FAT1: variants seen among roughly 807,000 people sequenced by gnomAD.
FAT1 encodes FAT atypical cadherin 1.
A neutral mutation model predicts 329.8 loss-of-function variants in FAT1; 171 were observed. The ratio of observed to expected loss-of-function variants is 0.52; its 90% confidence interval spans 0.46 to 0.59. The LOEUF (loss-of-function observed/expected upper bound fraction) is 0.59, where lower values mean the gene tolerates loss of function less well. Ranked by LOEUF, FAT1 falls within the 20% of genes least tolerant of loss-of-function variation. The pLI is 0.00. For synonymous variants in FAT1, 2,233 were observed against 2,228.6 expected (o/e 1.00, Z -0.06); for missense variants, 5,672 against 5,774.4 (o/e 0.98, Z 0.57).
rs199551880 is a variant in FAT1 at position 186,621,270 on chromosome 4, T to C, written c.5316A>G (p.Gly1772=). Residue 1772 remains glycine (G), a synonymous_variant, in exon 10 of 27, where the codon GGA becomes GGG. Transcript: ENST00000441802. ...TAATTGAGGCTGATTCACTAATGAGTCCTGTATATTCTGCCTGCATAAAAA... is the reference window on the plus strand; with the variant it reads ...TAATTGAGGCTGATTCACTAATGAGCCCTGTATATTCTGCCTGCATAAAAA... ...APVFMQAEYT[G]LISESASINS... is the part of the protein sequence containing the mutation. 54 of 1,614,052 alleles carry C rather than the reference T, an allele frequency of 3.3e-5. No homozygotes were observed. In the East Asian group the frequency reaches 1.2e-3, roughly 35 times the overall value.
chr4:186,613,321 G>C lies in FAT1; in HGVS notation c.9251C>G (p.Pro3084Arg), dbSNP rs1739551981. 5.0e-6 allele frequency: 8 copies of C among 1,613,800 alleles called. No homozygotes were observed. Among genetic ancestry groups the C allele is most frequent in the African/African-American group, 1.3e-5 (1 of 74,930 alleles). The change falls in exon 13 of 27, where the codon CCC (proline) becomes CGC (arginine). Residue 3084 changes from proline to arginine, a missense_variant. Pro to Arg is a moderately radical substitution (Grantham distance 103). Around this residue, in one of 2 missense-constraint regions of FAT1, gnomAD observed 3,966 missense variants for 3,915.2 expected, o/e 1.01. Coordinates refer to ENST00000441802, the MANE Select transcript of FAT1 (RefSeq NM_005245.4). ...PDTGELKTST[P>R]LDREEQAVYH... ...AACAGCTTGCTCCTCACGATCAAGG[G>C]GGGTTGACGTTTTCAGTTCACCTAC...
In FAT1 at chr4:186,707,319, C is replaced by T. The variant is rs1249206066; in HGVS notation, c.2509G>A (p.Val837Ile). Reference protein sequence around the residue: ...YFVEVSEDKEVHSEIIQVEAT... With the variant: ...YFVEVSEDKEIHSEIIQVEAT... ...TCAACCTGGATGATTTCACTATGTA[C>T]CTCCTTGTCTTCACTCACTTCCACA... is the stretch of plus-strand genomic sequence containing the variant. The change falls in exon 2 of 27, where the codon GTA (valine) becomes ATA (isoleucine). Residue 837 changes from valine (V) to isoleucine (I), a missense_variant. Physicochemically the swap from Val to Ile is conservative, Grantham distance 29. Around this residue, in one of 2 missense-constraint regions of FAT1, gnomAD observed 3,966 missense variants for 3,915.2 expected, o/e 1.01. Coordinates refer to ENST00000441802, the MANE Select transcript of FAT1 (RefSeq NM_005245.4). 6.2e-7 allele frequency: 1 copy of T among 1,613,944 alleles called. No homozygotes were observed. The highest frequency in any genetic ancestry group is 8.5e-7 in the Non-Finnish European group (1 of 1,179,880).
In FAT1 at chr4:186,588,731, G is replaced by A. The variant is rs2126348980; in HGVS notation, c.13628C>T (p.Thr4543Ile). 1 of 1,614,022 alleles carries A rather than the reference G, an allele frequency of 6.2e-7. No homozygotes were observed. ...ESMPMSVYAS[T>I]ASCSDVSACC... ...GGCTGACACGTCAGAGCAGGAGGCG[G>A]TGGAGGCGTACACAGACATGGGCAT... is the stretch of plus-strand genomic sequence containing the variant. The change falls in exon 27 of 27, where the codon ACC (threonine) becomes ATC (isoleucine). Residue 4543 changes from threonine to isoleucine, a missense_variant. Transcript: ENST00000441802.
chr4:186,597,420 G>T, intron 24 of FAT1: 1 of 579,890 alleles, frequency 1.7e-6, no homozygotes, highest in Non-Finnish European at 3.0e-6. Context: ...AATATTAATG[G>T]CCATTTTCCT....
chr4:186,680,774 C>T lies in FAT1; in HGVS notation c.3266-17161G>A, dbSNP rs1175045684. Among the ~76,000 whole-genome samples the T allele has an allele frequency of 2.6e-5, 4 of 152,202 alleles. No homozygotes were observed. The East Asian group carries it at 7.7e-4, about 29-fold the overall frequency. On this transcript the variant is annotated intron_variant, in intron 2 of 26. Coordinates refer to ENST00000441802, the MANE Select transcript of FAT1 (RefSeq NM_005245.4). The stretch of plus-strand genomic sequence containing the variant: ...CTAGGTTGCAGAGCTTGAATCAAAG[C>T]CATAACTGGAACCCAAATCTCTTGA...
rs753202486 is a variant in FAT1 at position 186,609,227 on chromosome 4, C to T, written c.10162G>A (p.Val3388Ile). ...NQGSSFTIDP[V>I]RGEVKVTKLL... The stretch of plus-strand genomic sequence containing the variant: ...TTGGTCACTTTGACTTCTCCCCTGA[C>T]GGGGTCAATTGTGAACGAGCTTCCT... The change falls in exon 16 of 27, where the codon GTC becomes ATC. Residue 3388 changes from valine to isoleucine, a missense_variant. Val to Ile is a conservative substitution (Grantham distance 29). This residue lies in a region of FAT1 where 1,706 missense variants were observed against 1,859.1 expected (regional missense o/e 0.92). Coordinates refer to ENST00000441802, the MANE Select transcript of FAT1 (RefSeq NM_005245.4). 36 of 1,613,886 alleles carry T rather than the reference C, an allele frequency of 2.2e-5. No homozygotes were observed. In the East Asian group the frequency reaches 2.4e-4, roughly 11 times the overall value.
intron 3 of FAT1, among the ~76,000 whole-genome samples, chr4:186,649,169 T>C (rs1366304688): frequency 6.6e-6 from 1 of 151,960 alleles, no homozygotes; most frequent in Non-Finnish European, 1.5e-5. Context: ...GTTCTTCAAC[T>C]GCTTATTAAG....
chr4:186,601,711 A>G (rs1029528187), intron 20 of FAT1: 4 of 249,708 alleles, frequency 1.6e-5, no homozygotes, highest in Non-Finnish European at 2.3e-5. Context: ...ATTAGAAGAA[A>G]ATTTCAGAAA....
rs552165136 is a variant in FAT1, at chr4:186,719,394, C to G, written c.-19+4270G>C. Among the ~76,000 whole-genome samples, 377 of 152,288 alleles carry G rather than the reference C, an allele frequency of 2.5e-3. 3 individuals carry two copies. Among genetic ancestry groups the G allele is most frequent in the Non-Finnish European group, 3.0e-3 (201 of 68,022 alleles). ...AAACAGTAAAAATATAAATAGTACCCCATTTTATATCAGGGACTTGAGCAT... is the reference window on the plus strand; with the variant it reads ...AAACAGTAAAAATATAAATAGTACCGCATTTTATATCAGGGACTTGAGCAT... On this transcript the variant is annotated intron_variant, in intron 1 of 26. Coordinates refer to ENST00000441802, the MANE Select transcript of FAT1 (RefSeq NM_005245.4).
chr4:186,697,418 T>C (rs1384951286), intron 2 of FAT1, among the ~76,000 whole-genome samples: 22 of 152,222 alleles, frequency 1.4e-4, no homozygotes, highest in Admixed American at 1.1e-3. Context: ...CCGATCCCCA[T>C]GCTCTCCGAG....
At chr4:186,661,680 G>C (rs189668804) in intron 3 of FAT1, among the ~76,000 whole-genome samples, 1 of 152,270 alleles carries the variant, frequency 6.6e-6, no homozygotes, top group East Asian at 1.9e-4. Context: ...GTAATAAACA[G>C]GTAAATGTTA....
chr4:186,621,589 T>C lies in FAT1; in HGVS notation c.4997A>G (p.Lys1666Arg). ...FVTIADNASP[K>R]FTSKEYSVEL... ...AACAGAATATTCTTTTGATGTAAACTTCGGAGAGGCGTTGTCAGCAATTGT... is the reference window on the plus strand; with the variant it reads ...AACAGAATATTCTTTTGATGTAAACCTCGGAGAGGCGTTGTCAGCAATTGT... The change falls in exon 10 of 27, where the codon AAG (lysine) becomes AGG (arginine). Residue 1666 changes from lysine (K) to arginine (R), a missense_variant. This residue lies in a region of FAT1 where 3,966 missense variants were observed against 3,915.2 expected (regional missense o/e 1.01). Transcript: ENST00000441802. 1 of 1,614,026 alleles carries C rather than the reference T, an allele frequency of 6.2e-7. No individual in the cohort carries two copies. The highest frequency in any genetic ancestry group is 8.5e-7 in the Non-Finnish European group (1 of 1,179,898).
At position 186,709,340 on chromosome 4, in the gene FAT1, G is replaced by C. The variant is rs1247264736; in HGVS notation, c.488C>G (p.Ala163Gly). 4 of 1,613,932 alleles carry C rather than the reference G, an allele frequency of 2.5e-6. No individual in the cohort carries two copies. The African/African-American group carries it at 5.3e-5, about 22-fold the overall frequency. ...GACTCTTGCGATACTGGTCCTTATA[G>C]CTGTGTTTTCAGGTAAAGAAACGCT... ...SYSVSLPENT[A>G]IRTSIARVSA... Residue 163 changes from alanine (A) to glycine (G), a missense_variant, in exon 2 of 27, where the codon GCT (alanine) becomes GGT (glycine). Transcript: ENST00000441802.
intron 1 of FAT1, among the ~76,000 whole-genome samples, chr4:186,713,143 T>G (rs1745044283): frequency 6.6e-6 from 1 of 151,698 alleles, no homozygotes; most frequent in Admixed American, 6.6e-5. Context: ...CATACTTCAC[T>G]CAAATTTGCT....
At chr4:186,686,240 C>CT (rs939070815) in intron 2 of FAT1, among the ~76,000 whole-genome samples, 5 of 143,316 alleles carry the variant, frequency 3.5e-5, no homozygotes, top group African/African-American at 7.6e-5. Context: ...GAATTTTCAC[C>CT]CCCCCCCGAC....
At chr4:186,625,994 G>C (rs1453943846) in intron 9 of FAT1, among the ~76,000 whole-genome samples, 10 of 145,496 alleles carry the variant, frequency 6.9e-5, no homozygotes, top group African/African-American at 1.5e-4. Flanking sequence ...GGCACATAAA[G>C]TGAGCTTCAT....
chr4:186,683,451 G>A (rs537955976), intron 2 of FAT1, among the ~76,000 whole-genome samples: 4 of 152,190 alleles, frequency 2.6e-5, no homozygotes, highest in South Asian at 2.1e-4. Flanking sequence ...TTCTAGAGGC[G>A]GTCAATAAAC....
chr4:186,642,637 G>C (rs1186776720), intron 3 of FAT1, among the ~76,000 whole-genome samples: 15 of 146,382 alleles, frequency 1.0e-4, no homozygotes, highest in African/African-American at 3.9e-4. Context: ...TGGGTGGCTA[G>C]GTGCTGCAAT....
At position 186,621,098 on chromosome 4, in the gene FAT1, G is replaced by T. The variant is rs746692408; in HGVS notation, c.5488C>A (p.His1830Asn). ...TCATAGTCCAGACTTAGTACTGTAT[G>T]AATAGCACCAGTGCTAGAATCAATA... ...FAIDSSTGAI[H>N]TVLSLDYEET... The change falls in exon 10 of 27, where the codon CAT (histidine) becomes AAT (asparagine). Residue 1830 changes from histidine to asparagine, a missense_variant. This residue lies in a region of FAT1 where 3,966 missense variants were observed against 3,915.2 expected (regional missense o/e 1.01). Transcript: ENST00000441802. 6.2e-7 allele frequency: 1 copy of T among 1,613,650 alleles called. No homozygotes were observed. Among genetic ancestry groups the T allele is most frequent in the South Asian group, 1.1e-5 (1 of 91,080 alleles).
Sources: allele counts gnomAD v4.1 joint callset (sites outside exome capture counted in the v4.1 genomes callset), GRCh38; gene constraint gnomAD v4.1.1; regional missense constraint gnomAD v4.1.1; transcripts MANE v1.5; gene names NCBI Gene and HGNC (gene_info 2026-07-23, HGNC 2026-07-21).